The following VPS9D1 variants were observed in gnomAD, a reference collection of about 807,000 sequenced individuals.
VPS9D1 encodes VPS9 domain containing 1.
Under a neutral mutation model 75.8 loss-of-function variants are expected in VPS9D1, and 78 were observed. The ratio of observed to expected loss-of-function variants is 1.03; its 90% confidence interval spans 0.86 to 1.24. The LOEUF (loss-of-function observed/expected upper bound fraction) is 1.24, where lower values mean the gene tolerates loss of function less well. Ranked by LOEUF, VPS9D1 falls within the 50% of genes most tolerant of loss-of-function variation. VPS9D1 has a pLI of 0.00. For synonymous variants in VPS9D1, 481 were observed against 385.6 expected (o/e 1.25, Z -2.90); for missense variants, 1,057 against 847.7 (o/e 1.25, Z -3.07).
Position 89,707,756 on chromosome 16 carries a change from T to A in VPS9D1, c.*105A>T. On this transcript the variant is annotated 3_prime_UTR_variant, in exon 15 of 15. Transcript: ENST00000389386. The stretch of plus-strand genomic sequence containing the variant: ...AGCCCCCACCATGTGCAGAGCAGCG[T>A]GAGGCTCCAGGATGGTCCTCAGTAG... 5.9e-6 allele frequency: 6 copies of A among 1,009,082 alleles called. No homozygotes were observed. The South Asian group carries it at 8.5e-5, about 14-fold the overall frequency. The allele number at this position is 1,009,082 out of a possible 1,614,324, so 62.5% of individuals were successfully genotyped here. A position where few individuals can be genotyped will look rare whatever the true frequency, so the allele number is the denominator to read the frequency against.
chr16:89,710,453 G>A, intron 10 of VPS9D1, 133 bp downstream of exon 10: 2 of 970,662 alleles, frequency 2.1e-6, no homozygotes, highest in Middle Eastern at 4.3e-4. Flanking sequence ...AAGGGCTGAG[G>A]CGTGAGCTGG....
chr16:89,711,992 G>C, intron 7 of VPS9D1, 23 bp from the exon 8 acceptor site: 2 of 1,550,072 alleles, frequency 1.3e-6, no homozygotes, highest in South Asian at 1.2e-5. Flanking sequence ...GCACGCGGTG[G>C]GTGCCGGGGC....
At chr16:89,714,171 C>T (rs558777406) in intron 4 of VPS9D1, among the ~76,000 whole-genome samples, 4 of 152,078 alleles carry the variant, frequency 2.6e-5, no homozygotes, top group Non-Finnish European at 4.4e-5. Flanking sequence ...CTCCTGACCT[C>T]AGGTAATCTG....
At chr16:89,710,452 G>C in intron 10 of VPS9D1, 134 bp downstream of exon 10, 1 of 961,664 alleles carries the variant, frequency 1.0e-6, no homozygotes, top group East Asian at 2.7e-5. Flanking sequence ...GAAGGGCTGA[G>C]GCGTGAGCTG....
At position 89,707,885 on chromosome 16, in the gene VPS9D1, C is replaced by G. The variant is rs775114756; in HGVS notation, c.1872G>C (p.Leu624=). The change falls in exon 15 of 15, where the codon CTG becomes CTC. Residue 624 remains leucine (L), a synonymous_variant. Transcript: ENST00000389386. The part of the protein sequence containing the change: ...LQSALSYVEL[L]PRGGLAK ...ACTACTTGGCCAGGCCTCCCCGGGG[C>G]AGCAGCTCCACGTAGCTCAGGGCAC... is the stretch of plus-strand genomic sequence containing the variant. 5 of 1,613,164 alleles carry G rather than the reference C, an allele frequency of 3.1e-6. No homozygotes were observed. The highest frequency in any genetic ancestry group is 4.2e-6 in the Non-Finnish European group (5 of 1,179,966).
chr16:89,720,529 C>T (rs767315432), intron 1 of VPS9D1: 68 of 1,160,276 alleles, frequency 5.9e-5, no homozygotes, highest in Non-Finnish European at 7.1e-5. Flanking sequence ...TGTGATGCAC[C>T]GGCTCAGCGA....
At chr16:89,716,247 T>C (rs904075335) in intron 4 of VPS9D1, among the ~76,000 whole-genome samples, 1 of 151,924 alleles carries the variant, frequency 6.6e-6, no homozygotes, top group African/African-American at 2.4e-5. Context: ...GCGCCTGTAG[T>C]CTCAGCTACT....
chr16:89,711,665 C>T, intron 8 of VPS9D1: 1 of 682,308 alleles, frequency 1.5e-6, no homozygotes, highest in South Asian at 1.9e-5. Flanking sequence ...CTGGGACCCT[C>T]CCACGCGACC....
chr16:89,718,014 G>A (rs1455569523), intron 2 of VPS9D1: 7 of 448,884 alleles, frequency 1.6e-5, no homozygotes, highest in South Asian at 9.4e-5. Flanking sequence ...GTGCTCCCAC[G>A]TCCAGTGGGT....
At chr16:89,714,448 C>T (rs1438117283) in intron 4 of VPS9D1, among the ~76,000 whole-genome samples, 1 of 152,216 alleles carries the variant, frequency 6.6e-6, no homozygotes, top group African/African-American at 2.4e-5. Context: ...CCAACAGCCA[C>T]TCCACCTTGA....
At chr16:89,710,489 C>G (rs2060889652) in intron 10 of VPS9D1, 97 bp downstream of exon 10, 2 of 1,354,702 alleles carry the variant, frequency 1.5e-6, no homozygotes, top group Admixed American at 2.5e-5. Context: ...ATCAGAGTCT[C>G]TGATCAACAG....
Position 89,711,885 on chromosome 16 carries a change from G to C in VPS9D1, c.744C>G (p.Asp248Glu), listed in dbSNP as rs1422439284. 4 of 1,550,750 alleles carry C rather than the reference G, an allele frequency of 2.6e-6. No individual in the cohort carries two copies. Among genetic ancestry groups the C allele is most frequent in the Non-Finnish European group, 3.5e-6 (4 of 1,146,776 alleles). ...LYAAILEYEQ[D>E]HDWPKHWKAK... ...CCTGGGCCCGTGGGGGACGCACATG[G>C]TCCTGTTCGTACTCCAGGATGGCGG... The change falls in exon 8 of 15, where the codon GAC becomes GAG. Residue 248 changes from aspartate to glutamate, a missense_variant. By Grantham distance (45) the Asp-to-Glu change is conservative. Coordinates refer to ENST00000389386, the MANE Select transcript of VPS9D1 (RefSeq NM_004913.3).
Position 89,720,760 on chromosome 16 carries a change from C to G in VPS9D1, c.99+3G>C. On this transcript the variant is annotated splice_donor_region_variant and intron_variant, in intron 1 of 14. Transcript: ENST00000389386. ...GCCAAGCCCCGCCCCCGCCCCGCCT[C>G]ACCCGGGGCCGGTTGCCGGTGTCCA... 4 of 1,447,176 alleles carry G rather than the reference C, an allele frequency of 2.8e-6. No homozygotes were observed. Among genetic ancestry groups the G allele is most frequent in the Non-Finnish European group, 3.6e-6 (4 of 1,096,548 alleles). The allele number at this position is 1,447,176 out of a possible 1,614,324, so 89.6% of individuals were successfully genotyped here.
Position 89,711,948 on chromosome 16 carries a change from G to C in VPS9D1, c.681C>G (p.Ala227=). The change falls in exon 8 of 15, where the codon GCC becomes GCG. Residue 227 remains alanine, a synonymous_variant. Coordinates refer to ENST00000389386, the MANE Select transcript of VPS9D1 (RefSeq NM_004913.3). ...GCTGCTCCCGTTCCTCCGGGGTCAG[G>C]GCGACTTGGCTGCAAAACCTCCTGG... ...AANRRFCSQV[A]LTPEEREQRA... 5 of 1,551,292 alleles carry C rather than the reference G, an allele frequency of 3.2e-6. No individual in the cohort carries two copies. Among genetic ancestry groups the C allele is most frequent in the Non-Finnish European group, 4.4e-6 (5 of 1,146,992 alleles).
rs370435711 is a variant in VPS9D1, at chr16:89,712,535, G to C, written c.544-13C>G. ...GTAGAGAGAGGGTCTGGGGGGGGAG[G>C]AGGGAGTAAGGCCGACTCCCCTCTG... On this transcript the variant is annotated splice_polypyrimidine_tract_variant and intron_variant, in intron 5 of 14. Coordinates refer to ENST00000389386, the MANE Select transcript of VPS9D1 (RefSeq NM_004913.3). 6 of 1,611,808 alleles carry C rather than the reference G, an allele frequency of 3.7e-6. No homozygotes were observed. The highest frequency in any genetic ancestry group is 1.3e-5 in the African/African-American group (1 of 75,012).
chr16:89,708,843 C>T lies in VPS9D1; in HGVS notation c.1697+14G>A, dbSNP rs1373901537. On this transcript the variant is annotated intron_variant, in intron 13 of 14. Coordinates refer to ENST00000389386, the MANE Select transcript of VPS9D1 (RefSeq NM_004913.3). ...CCTTCCTCCCTGGCCACACCTCGCC[C>T]TCCTGGGACTCACATGGCAGCTGCA... 1.3e-6 allele frequency: 2 copies of T among 1,572,998 alleles called. No homozygotes were observed. Among genetic ancestry groups the T allele is most frequent in the Non-Finnish European group, 1.7e-6 (2 of 1,167,278 alleles).
chr16:89,711,541 G>A, intron 8 of VPS9D1, 129 bp from the exon 9 acceptor site: 1 of 924,382 alleles, frequency 1.1e-6, no homozygotes, highest in Non-Finnish European at 1.6e-6. Flanking sequence ...CCCAGCGCCA[G>A]CAGGCCCCGC....
Position 89,720,764 on chromosome 16 carries a change from CG to C in VPS9D1, c.97del (p.Arg33GlyfsTer8), listed in dbSNP as rs1234360395. The C allele has an allele frequency of 6.2e-6, 9 of 1,449,968 alleles. No homozygotes were observed. The Admixed American group carries it at 7.4e-5, about 12-fold the overall frequency. 89.8% of individuals were successfully genotyped at this position (1,449,968 alleles called of 1,614,324 possible). ...AGCCCCGCCCCCGCCCCGCCTCACC[CG>C]GGGCCGGTTGCCGGTGTCCAGCTCG... ...AIELDTGNRPREAYTEYLRSI... is the reference protein window; with the variant it reads ...AIELDTGNRPXEAYTEYLRSI... On this transcript the variant is annotated frameshift_variant and splice_region_variant, in exon 1 of 15. Coordinates refer to ENST00000389386, the MANE Select transcript of VPS9D1 (RefSeq NM_004913.3). LOFTEE classifies it high-confidence loss of function.
At chr16:89,711,057 G>T in intron 9 of VPS9D1, 47 bp from the exon 10 acceptor site, 3 of 1,427,508 alleles carry the variant, frequency 2.1e-6, no homozygotes, top group Non-Finnish European at 2.7e-6. Flanking sequence ...CGGCCTCTCC[G>T]TGGCATCCAC....
Sources: allele counts gnomAD v4.1 joint callset (sites outside exome capture counted in the v4.1 genomes callset), GRCh38; gene constraint gnomAD v4.1.1; transcripts MANE v1.5; gene names NCBI Gene and HGNC (gene_info 2026-07-23, HGNC 2026-07-21).